Variants in EXT2 observed in about 807,000 individuals in gnomAD.
The protein encoded by EXT2 is exostosin glycosyltransferase 2, also known as exostosin-2.
EXT2 carries 53 observed loss-of-function variants against 81.6 expected under a neutral mutation model. The ratio of observed to expected loss-of-function variants is 0.65; its 90% CI spans 0.52 to 0.82. The LOEUF is 0.82. Ranked by LOEUF, EXT2 falls within the 40% of genes least tolerant of loss-of-function variation. EXT2 has a pLI of 0.00. For missense variants in EXT2, 774 were observed against 910.2 expected, an observed-to-expected ratio of 0.85 and a Z score of 1.93; for synonymous variants, 320 against 340.0, an observed-to-expected ratio of 0.94 and a Z score of 0.65.
chr11:44,105,229 A>G (rs184341607), intron 1 of EXT2, among the ~76,000 whole-genome samples: 16 of 152,296 alleles, frequency 1.1e-4, no homozygotes, highest in East Asian at 1.9e-4. Context: ...GTTACTTCCC[A>G]TTATATTAAT....
chr11:44,098,913 G>T (rs1043291866), intron 1 of EXT2, among the ~76,000 whole-genome samples: 1 of 152,128 alleles, frequency 6.6e-6, no homozygotes, highest in Non-Finnish European at 1.5e-5. Flanking sequence ...TCAAAACTTG[G>T]ATGCTAAACC....
chr11:44,135,422 C>T (rs1469708912), intron 7 of EXT2, among the ~76,000 whole-genome samples: 17 of 144,878 alleles, frequency 1.2e-4, no homozygotes, highest in Admixed American at 7.6e-4. Context: ...GACAGAGGCT[C>T]GTTGTGTCAC....
intron 12 of EXT2, among the ~76,000 whole-genome samples, chr11:44,234,634 C>A (rs1206132031): frequency 6.6e-6 from 1 of 151,430 alleles, no homozygotes; most frequent in African/African-American, 2.4e-5. Context: ...AAATAGTACA[C>A]CTCATACAGT....
At chr11:44,233,991 A>T in intron 11 of EXT2, 124 bp from the exon 12 acceptor site, 2 of 1,368,858 alleles carry the variant, frequency 1.5e-6, no homozygotes, top group Non-Finnish European at 2.0e-6. Context: ...TCCTATTAAT[A>T]CAGCCTTGTG....
rs2134966282 is a variant in EXT2, at chr11:44,107,904, T to C, written c.192T>C (p.Arg64=). 2 of 1,614,194 alleles carry C rather than the reference T, an allele frequency of 1.2e-6. No individual in the cohort carries two copies. The highest frequency in any genetic ancestry group is 1.3e-5 in the African/African-American group (1 of 75,044). ...GGAATGTAGAGAAGCGCAGCATCCG[T>C]GATGTGCCGGTTGTTAGGCTGCCAG... ...NDWNVEKRSI[R]DVPVVRLPAD... Residue 64 remains arginine (R), a synonymous_variant, in exon 2 of 14, where the codon CGT becomes CGC. Coordinates refer to ENST00000533608, the MANE Select transcript of EXT2 (RefSeq NM_207122.2).
chr11:44,114,391 T>G, intron 4 of EXT2, 90 bp downstream of exon 4: 2 of 1,111,392 alleles, frequency 1.8e-6, no homozygotes, highest in Non-Finnish European at 2.8e-6. Flanking sequence ...AAGCAACCAA[T>G]ACATCAGTTA....
intron 10 of EXT2, among the ~76,000 whole-genome samples, chr11:44,225,537 A>G (rs1232109520): frequency 6.6e-6 from 1 of 152,168 alleles, no homozygotes; most frequent in Non-Finnish European, 1.5e-5. Context: ...TTCAGCAGGC[A>G]CCTGTGACCC....
intron 7 of EXT2, among the ~76,000 whole-genome samples, chr11:44,144,718 C>G (rs1038167643): frequency 1.3e-5 from 2 of 152,198 alleles, no homozygotes; most frequent in African/African-American, 4.8e-5. Context: ...TCAGGCTTCC[C>G]CTTTTCCCTT....
rs1192158054 is a variant in EXT2 at position 44,250,603 on chromosome 11, C to G, written c.*6316C>G. 6.6e-6 allele frequency among the ~76,000 whole-genome samples: 1 copy of G among 152,196 alleles called. No homozygotes were observed. The highest frequency in any genetic ancestry group is 1.5e-5 in the Non-Finnish European group (1 of 68,040). On this transcript the variant is annotated 3_prime_UTR_variant, in exon 14 of 14. Coordinates refer to ENST00000533608, the MANE Select transcript of EXT2 (RefSeq NM_207122.2). ...TACCAAATGAGCAGTTCTCTTGCCC[C>G]AGTCCCTTTCCTGTGCTATAAATAA...
At chr11:44,218,261 G>A (rs753686846) in intron 10 of EXT2, among the ~76,000 whole-genome samples, 19 of 152,150 alleles carry the variant, frequency 1.2e-4, no homozygotes, top group Non-Finnish European at 2.5e-4. Flanking sequence ...CTTTGAGTGG[G>A]GTTTCCTGAT....
chr11:44,108,024 C>T lies in EXT2; in HGVS notation c.312C>T (p.Ile104=). 1 of 1,614,160 alleles carries T rather than the reference C, an allele frequency of 6.2e-7. No individual in the cohort carries two copies. Among genetic ancestry groups the T allele is most frequent in the Admixed American group, 1.7e-5 (1 of 60,020 alleles). ...GTGGCTTCAACCCAAAGAACAAAATCAAGGTGTATATCTATGCTCTGAAAA... is the reference window on the plus strand; with the variant it reads ...GTGGCTTCAACCCAAAGAACAAAATTAAGGTGTATATCTATGCTCTGAAAA... ...YRCGFNPKNK[I]KVYIYALKKY... Residue 104 remains isoleucine (I), a synonymous_variant, in exon 2 of 14, where the codon ATC becomes ATT. Transcript: ENST00000533608.
chr11:44,124,702 C>A, intron 4 of EXT2, 87 bp from the exon 5 acceptor site: 1 of 1,077,930 alleles, frequency 9.3e-7, no homozygotes, highest in Non-Finnish European at 1.4e-6. Context: ...GAAACACTTA[C>A]TGTCATAAGT....
chr11:44,102,490 A>G (rs1377602635), intron 1 of EXT2, among the ~76,000 whole-genome samples: 2 of 149,432 alleles, frequency 1.3e-5, no homozygotes, highest in Admixed American at 6.7e-5. Flanking sequence ...TCACCTCCCA[A>G]GTAAGTAGAC....
chr11:44,229,836 C>G (rs954909454), intron 10 of EXT2, among the ~76,000 whole-genome samples: 1 of 152,192 alleles, frequency 6.6e-6, no homozygotes, highest in Non-Finnish European at 1.5e-5. Context: ...TGGCTTTTTA[C>G]TCACTGAGAT....
chr11:44,232,899 A>G (rs942992880), intron 11 of EXT2, among the ~76,000 whole-genome samples: 1 of 152,218 alleles, frequency 6.6e-6, no homozygotes, highest in Non-Finnish European at 1.5e-5. Flanking sequence ...ACTTGTTAGC[A>G]TAATTAAGAT....
In EXT2 at chr11:44,248,964, GT is replaced by G. The variant is rs56956349; in HGVS notation, c.*4684del. Among the ~76,000 whole-genome samples the G allele has an allele frequency of 6.6e-3, 1,003 of 151,806 alleles. 10 individuals carry two copies. The highest frequency in any genetic ancestry group is 0.043 in the East Asian group (223 of 5,168). The stretch of plus-strand genomic sequence containing the variant: ...ACATTTGCAACCATTTCAGGGTAGA[GT>G]TTTTTTGTTTGTTTGTTTGTTTGTT... On this transcript the variant is annotated 3_prime_UTR_variant, in exon 14 of 14. Coordinates refer to ENST00000533608, the MANE Select transcript of EXT2 (RefSeq NM_207122.2).
At chr11:44,158,648 A>G (rs1487049639) in intron 7 of EXT2, among the ~76,000 whole-genome samples, 5 of 151,384 alleles carry the variant, frequency 3.3e-5, no homozygotes, top group Non-Finnish European at 7.4e-5. Context: ...TTTTAATAAA[A>G]AGAAAGAATT....
chr11:44,207,894 A>G (rs1955602692), intron 10 of EXT2, among the ~76,000 whole-genome samples: 1 of 152,198 alleles, frequency 6.6e-6, no homozygotes, highest in Non-Finnish European at 1.5e-5. Context: ...CTAAAAATTA[A>G]AAGCTCAAGT....
rs59752163 is a variant in EXT2 at position 44,102,534 on chromosome 11, CTTT to C, written c.-30-5130_-30-5128del. 7.5e-3 allele frequency among the ~76,000 whole-genome samples: 793 copies of C among 106,138 alleles called. 3 individuals are homozygous for C. The highest frequency in any genetic ancestry group is 0.027 in the African/African-American group (690 of 25,770). The allele number at this position is 106,138 out of a possible 152,430, so 69.6% of individuals were successfully genotyped here. On this transcript the variant is annotated intron_variant, in intron 1 of 13. Transcript: ENST00000533608. ...CTCCTGTCTTTGTCTCTGTCTCTCT[CTTT>C]TTTTTTTTTTTTTTTTTTGCACGGG...
Sources: allele counts gnomAD v4.1 joint callset (sites outside exome capture counted in the v4.1 genomes callset), GRCh38; gene constraint gnomAD v4.1.1; transcripts MANE v1.5; gene names NCBI Gene and HGNC (gene_info 2026-07-23, HGNC 2026-07-21).